LRRC4C: variants seen among roughly 807,000 people sequenced by gnomAD.
LRRC4C encodes leucine rich repeat containing 4C, also known as leucine-rich repeat-containing protein 4C.
Under a neutral mutation model 33.6 loss-of-function variants are expected in LRRC4C, and 5 were observed. The ratio of observed to expected loss-of-function variants is 0.15; its 90% CI spans 0.08 to 0.31. LRRC4C has a LOEUF of 0.31. LRRC4C is among the 10% of genes least tolerant of loss of function. The pLI is 1.00. For missense variants in LRRC4C, 560 were observed against 796.7 expected (o/e 0.70, Z 3.58); for synonymous variants, 329 against 302.0 (o/e 1.09, Z -0.93).
intron 1 of LRRC4C, among the ~76,000 whole-genome samples, chr11:41,432,930 C>T (rs1284198436): frequency 6.6e-6 from 1 of 152,036 alleles, no homozygotes; most frequent in Non-Finnish European, 1.5e-5. Flanking sequence ...GAATTAGAGA[C>T]AACAGTGGGG....
intron 2 of LRRC4C, among the ~76,000 whole-genome samples, chr11:40,742,542 G>C (rs1221900110): frequency 6.6e-6 from 1 of 151,892 alleles, no homozygotes; most frequent in African/African-American, 2.4e-5. Context: ...CAAGTAGATG[G>C]CATTCCTAAT....
intron 3 of LRRC4C, among the ~76,000 whole-genome samples, chr11:40,341,965 T>G: frequency 6.6e-6 from 1 of 151,484 alleles, no homozygotes. Flanking sequence ...GTGCTTTGTA[T>G]GTTGATAGAG....
intron 2 of LRRC4C, among the ~76,000 whole-genome samples, chr11:40,752,124 T>C (rs1948718177): frequency 6.6e-6 from 1 of 152,180 alleles, no homozygotes; most frequent in Non-Finnish European, 1.5e-5. Flanking sequence ...GAAGACTTAA[T>C]GTTAAAACTC....
intron 1 of LRRC4C, among the ~76,000 whole-genome samples, chr11:41,116,629 G>A (rs1478151856): frequency 1.3e-5 from 2 of 152,046 alleles, no homozygotes; most frequent in Admixed American, 6.6e-5. Context: ...AATGGGAAGG[G>A]AGTGGAAGGA....
At chr11:41,238,382 A>G (rs1380667592) in intron 1 of LRRC4C, among the ~76,000 whole-genome samples, 2 of 152,180 alleles carry the variant, frequency 1.3e-5, no homozygotes, top group Non-Finnish European at 2.9e-5. Context: ...AATAATTAAA[A>G]TAACATATTA....
intron 3 of LRRC4C, among the ~76,000 whole-genome samples, chr11:40,415,988 T>G (rs546882877): frequency 6.6e-6 from 1 of 152,310 alleles, no homozygotes; most frequent in Non-Finnish European, 1.5e-5. Flanking sequence ...AGTTAAAACG[T>G]GTACTATGCA....
At chr11:41,039,444 A>G (rs1179515186) in intron 1 of LRRC4C, among the ~76,000 whole-genome samples, 1 of 152,204 alleles carries the variant, frequency 6.6e-6, no homozygotes, top group African/African-American at 2.4e-5. Flanking sequence ...TTTGAATATA[A>G]TAAAGCTTAG....
At chr11:41,256,827 A>G (rs1329572582) in intron 1 of LRRC4C, among the ~76,000 whole-genome samples, 1 of 152,038 alleles carries the variant, frequency 6.6e-6, no homozygotes, top group African/African-American at 2.4e-5. Context: ...TAATCAAGAT[A>G]TTGAAGTTCA....
At chr11:40,116,402 T>A in intron 6 of LRRC4C, 68 bp from the exon 7 acceptor site, 1 of 1,464,846 alleles carries the variant, frequency 6.8e-7, no homozygotes, top group South Asian at 1.4e-5. Flanking sequence ...TCTGGAGTAA[T>A]GTCGGTGATA....
At chr11:40,683,019 A>C (rs1156695480) in intron 2 of LRRC4C, among the ~76,000 whole-genome samples, 1 of 152,222 alleles carries the variant, frequency 6.6e-6, no homozygotes, top group Non-Finnish European at 1.5e-5. Context: ...GATGCAAAAG[A>C]AATAAAGAAA....
chr11:40,311,112 A>C (rs983278356), intron 4 of LRRC4C, among the ~76,000 whole-genome samples: 3 of 152,226 alleles, frequency 2.0e-5, no homozygotes, highest in Non-Finnish European at 4.4e-5. Flanking sequence ...AAACTTTTCA[A>C]AACTCAACTC....
At chr11:41,440,270 TTGTC>T (rs1297133489) in intron 1 of LRRC4C, among the ~76,000 whole-genome samples, 14 of 152,154 alleles carry the variant, frequency 9.2e-5, no homozygotes, top group South Asian at 4.1e-4. Flanking sequence ...AAAAAGGAGT[TTGTC>T]TGTCCACTCT....
At chr11:41,377,150 T>C (rs1309249669) in intron 1 of LRRC4C, among the ~76,000 whole-genome samples, 2 of 152,190 alleles carry the variant, frequency 1.3e-5, no homozygotes, top group African/African-American at 2.4e-5. Context: ...TAAAAGTACA[T>C]GTGAAATTAT....
intron 1 of LRRC4C, among the ~76,000 whole-genome samples, chr11:41,128,429 A>G (rs977564491): frequency 6.6e-6 from 1 of 152,132 alleles, no homozygotes; most frequent in Admixed American, 6.6e-5. Flanking sequence ...AGATCCATAT[A>G]TTGCTCAAAG....
chr11:40,703,051 T>C (rs555920600), intron 2 of LRRC4C, among the ~76,000 whole-genome samples: 3 of 152,194 alleles, frequency 2.0e-5, no homozygotes, highest in African/African-American at 7.2e-5. Context: ...AAATTAGAAA[T>C]ATTAATAGAA....
intron 3 of LRRC4C, among the ~76,000 whole-genome samples, chr11:40,585,205 T>C (rs1958665153): frequency 6.6e-6 from 1 of 152,114 alleles, no homozygotes. Context: ...CACAGTGTAG[T>C]GGAGAATATG....
intron 3 of LRRC4C, among the ~76,000 whole-genome samples, chr11:40,346,990 A>T (rs1278017090): frequency 6.6e-6 from 1 of 152,190 alleles, no homozygotes; most frequent in Non-Finnish European, 1.5e-5. Flanking sequence ...ATTGACTTCA[A>T]CTTAAAGCCA....
chr11:40,664,881 C>T (rs1029446400), intron 2 of LRRC4C, among the ~76,000 whole-genome samples: 4 of 151,648 alleles, frequency 2.6e-5, no homozygotes, highest in Admixed American at 6.6e-5. Context: ...CCCACTAACT[C>T]GTCATTTACA....
chr11:40,902,272 GTTGTTA>G (rs1199861332), intron 2 of LRRC4C, among the ~76,000 whole-genome samples: 2 of 151,894 alleles, frequency 1.3e-5, no homozygotes, highest in Non-Finnish European at 2.9e-5. Context: ...TAATGTTACT[GTTGTTA>G]TTGTTTTGGG....
Sources: gnomAD v4.1 joint callset for allele counts (sites outside exome capture counted in the v4.1 genomes callset) on GRCh38, gnomAD v4.1.1 for gene constraint, MANE v1.5 for transcripts, NCBI Gene and HGNC (gene_info 2026-07-23, HGNC 2026-07-21) for gene names.